Variants in SDK1 observed in about 807,000 individuals in gnomAD.
The protein encoded by SDK1 is sidekick cell adhesion molecule 1.
In SDK1, 157 loss-of-function variants were observed where a neutral mutation model predicts 245.5. That is an observed-to-expected ratio of 0.64 (90% CI 0.56 to 0.73). SDK1 has a LOEUF of 0.73. Among genes scored for constraint, SDK1 ranks in the 30% least tolerant of loss-of-function variants. The probability of loss-of-function intolerance (pLI) is 0.00; values close to 1 mark genes in which losing one functional copy is unlikely to be tolerated. For missense variants in SDK1, 3,583 were observed against 3,002.3 expected (o/e 1.19, Z -4.52); for synonymous variants, 1,647 against 1,278.5 (o/e 1.29, Z -6.15).
In SDK1 at chr7:3,967,363, C is replaced by A. The variant is rs764729929; in HGVS notation, c.1475C>A (p.Thr492Asn). 4 of 1,614,070 alleles carry A rather than the reference C, an allele frequency of 2.5e-6. No homozygotes were observed. In the African/African-American group the frequency reaches 5.3e-5, roughly 22 times the overall value. ...CAGCGGCCAGTGGACACCACAGTTA[C>A]TGACGGGATGACAGCCATTCTAAGG... ...FTQRPVDTTV[T>N]DGMTAILRCE... The change falls in exon 10 of 45, where the codon ACT (threonine) becomes AAT (asparagine). Residue 492 changes from threonine to asparagine, a missense_variant. Physicochemically the swap from Thr to Asn is moderately conservative, Grantham distance 65. Transcript: ENST00000404826.
chr7:4,159,064 G>T (rs180726345), intron 31 of SDK1, among the ~76,000 whole-genome samples: 4 of 152,326 alleles, frequency 2.6e-5, no homozygotes, highest in Admixed American at 6.5e-5. Flanking sequence ...TCTATCAGCC[G>T]CGTCCAGCGG....
At chr7:3,504,535 G>C (rs576146661) in intron 1 of SDK1, among the ~76,000 whole-genome samples, 114 of 152,100 alleles carry the variant, frequency 7.5e-4, no homozygotes, top group Non-Finnish European at 1.5e-3. Context: ...TTTTCCAGAA[G>C]AATGCTATTA....
intron 1 of SDK1, among the ~76,000 whole-genome samples, chr7:3,571,393 C>G (rs143245533): frequency 6.6e-6 from 1 of 152,100 alleles, no homozygotes; most frequent in African/African-American, 2.4e-5. Flanking sequence ...ACCTCAAACT[C>G]CTGGATTCAA....
chr7:4,227,881 G>T (rs1785533519), intron 40 of SDK1, among the ~76,000 whole-genome samples: 1 of 152,210 alleles, frequency 6.6e-6, no homozygotes, highest in South Asian at 2.1e-4. Context: ...CCTACCGCTT[G>T]GGCGGGGGGA....
At chr7:4,142,786 A>G (rs912829621) in intron 28 of SDK1, among the ~76,000 whole-genome samples, 1 of 152,204 alleles carries the variant, frequency 6.6e-6, no homozygotes, top group East Asian at 1.9e-4. Context: ...TACCTGGCAC[A>G]TTTGCATGAT....
chr7:3,806,900 A>G (rs1429389349), intron 4 of SDK1, among the ~76,000 whole-genome samples: 3 of 152,090 alleles, frequency 2.0e-5, no homozygotes, highest in East Asian at 1.9e-4. Flanking sequence ...GATATTACCT[A>G]AATTTGCTTC....
chr7:4,123,749 T>TG (rs1252911380), intron 25 of SDK1, among the ~76,000 whole-genome samples: 2 of 152,226 alleles, frequency 1.3e-5, no homozygotes, highest in Non-Finnish European at 2.9e-5. Flanking sequence ...GGGCTCACAG[T>TG]GTTTTTATAG....
chr7:3,410,024 G>A (rs886443155), intron 1 of SDK1, among the ~76,000 whole-genome samples: 2 of 151,898 alleles, frequency 1.3e-5, no homozygotes, highest in Admixed American at 6.6e-5. Context: ...CCTGTAAAAG[G>A]GATTTAATAG....
At chr7:3,965,325 A>G (rs1782006101) in intron 9 of SDK1, among the ~76,000 whole-genome samples, 1 of 152,142 alleles carries the variant, frequency 6.6e-6, no homozygotes, top group Non-Finnish European at 1.5e-5. Flanking sequence ...CAGTTTTCTC[A>G]TCCATTAAAA....
chr7:3,910,557 C>T (rs990134477), intron 5 of SDK1, among the ~76,000 whole-genome samples: 5 of 152,132 alleles, frequency 3.3e-5, no homozygotes, highest in Admixed American at 6.5e-5. Flanking sequence ...TTCGGCGCTA[C>T]CATCCTAGTC....
At chr7:4,168,390 C>G (rs1421319297) in intron 32 of SDK1, among the ~76,000 whole-genome samples, 1 of 152,244 alleles carries the variant, frequency 6.6e-6, no homozygotes, top group African/African-American at 2.4e-5. Context: ...TTTCTTATAG[C>G]TCTAAATCAT....
Position 3,877,201 on chromosome 7 carries a change from C to A in SDK1, c.847+55618C>A, listed in dbSNP as rs181681908. Among the ~76,000 whole-genome samples, 34 of 152,312 alleles carry A rather than the reference C, an allele frequency of 2.2e-4. No individual in the cohort carries two copies. In the East Asian group the frequency reaches 6.4e-3, roughly 29 times the overall value. On this transcript the variant is annotated intron_variant, in intron 5 of 44. Coordinates refer to ENST00000404826, the MANE Select transcript of SDK1 (RefSeq NM_152744.4). ...CACTTGGTCTTTCAGTCCCTAAACC[C>A]TCCTGGCCCATGGCAGCTGAGCGTT...
At chr7:3,801,920 G>A (rs1225931511) in intron 4 of SDK1, among the ~76,000 whole-genome samples, 4 of 152,226 alleles carry the variant, frequency 2.6e-5, no homozygotes, top group Non-Finnish European at 4.4e-5. Flanking sequence ...CCAGCTGGAG[G>A]ATGAAACAGC....
intron 5 of SDK1, among the ~76,000 whole-genome samples, chr7:3,849,074 C>G (rs1392399259): frequency 2.0e-5 from 3 of 152,224 alleles, no homozygotes; most frequent in Non-Finnish European, 4.4e-5. Context: ...ACTTTTCATA[C>G]CCGTCCTTTC....
At chr7:4,114,768 T>C (rs77335744) in intron 25 of SDK1, among the ~76,000 whole-genome samples, 38,509 of 152,130 alleles carry the variant, frequency 0.25, 5,023 homozygotes, top group South Asian at 0.37. Context: ...GGTGGCTCTC[T>C]TCCACAAGGT....
At chr7:3,684,181 G>T (rs981924033) in intron 4 of SDK1, among the ~76,000 whole-genome samples, 3 of 152,214 alleles carry the variant, frequency 2.0e-5, no homozygotes, top group Non-Finnish European at 2.9e-5. Context: ...CTAGCGTGGA[G>T]CTAAGCCTCT....
At chr7:3,426,180 G>A (rs1196807774) in intron 1 of SDK1, among the ~76,000 whole-genome samples, 2 of 152,196 alleles carry the variant, frequency 1.3e-5, no homozygotes, top group African/African-American at 4.8e-5. Flanking sequence ...TTTTATGATA[G>A]TAGGAAGAGG....
chr7:3,411,370 C>G (rs894614024), intron 1 of SDK1, among the ~76,000 whole-genome samples: 2 of 152,124 alleles, frequency 1.3e-5, no homozygotes, highest in African/African-American at 4.8e-5. Context: ...GGAGCAAAAA[C>G]GGTTGACTAC....
At chr7:3,497,315 G>T (rs995442199) in intron 1 of SDK1, among the ~76,000 whole-genome samples, 8 of 152,176 alleles carry the variant, frequency 5.3e-5, no homozygotes, top group African/African-American at 1.9e-4. Context: ...GGTGCTTATA[G>T]ATTTGTGTGT....
Sources: gnomAD v4.1 joint callset for allele counts (sites outside exome capture counted in the v4.1 genomes callset) on GRCh38, gnomAD v4.1.1 for gene constraint, MANE v1.5 for transcripts, NCBI Gene and HGNC (gene_info 2026-07-23, HGNC 2026-07-21) for gene names.